The following PBX1 variants were observed in gnomAD, a reference collection of about 807,000 sequenced individuals.
PBX1 encodes pre-B-cell leukemia transcription factor 1.
A neutral mutation model predicts 53.4 loss-of-function variants in PBX1; 6 were observed. That is an observed-to-expected ratio of 0.11 (90% CI 0.06 to 0.22). The LOEUF is 0.22. Among genes scored for constraint, PBX1 ranks in the 10% least tolerant of loss-of-function variants. The probability of loss-of-function intolerance (pLI) is 1.00; values close to 1 mark genes in which losing one functional copy is unlikely to be tolerated. For synonymous variants in PBX1, 204 were observed against 212.3 expected (o/e 0.96, Z 0.34); for missense variants, 251 against 551.4 (o/e 0.46, Z 5.46).
chr1:164,623,791 G>A (rs181274825), intron 2 of PBX1, among the ~76,000 whole-genome samples: 2 of 152,260 alleles, frequency 1.3e-5, no homozygotes, highest in African/African-American at 4.8e-5. Context: ...TAACGACGTC[G>A]CCTCATACGT....
chr1:164,561,950 CTT>C (rs1008861163), intron 1 of PBX1, among the ~76,000 whole-genome samples: 1 of 147,068 alleles, frequency 6.8e-6, no homozygotes. Flanking sequence ...TATTTTCCAT[CTT>C]TTTTTTTTTC....
intron 6 of PBX1, chr1:164,815,343 A>G (rs1381300249): frequency 6.6e-6 from 1 of 152,256 alleles, no homozygotes. Flanking sequence ...TAGTGGGCTT[A>G]CTGAAGCTCA....
At chr1:164,811,871 T>C in intron 5 of PBX1, 119 bp from the exon 6 acceptor site, 1 of 231,332 alleles carries the variant, frequency 4.3e-6, no homozygotes, top group Non-Finnish European at 6.5e-6. Flanking sequence ...TGCCAAATTA[T>C]TATAGGATAA....
At chr1:164,724,670 ATT>A (rs59042806) in intron 2 of PBX1, among the ~76,000 whole-genome samples, 130 of 48,120 alleles carry the variant, frequency 2.7e-3, no homozygotes, top group African/African-American at 3.4e-3. Flanking sequence ...ATAGCTGCAG[ATT>A]TTTTTTTTTT....
chr1:164,748,898 C>T (rs1336092764), intron 2 of PBX1, among the ~76,000 whole-genome samples: 2 of 152,104 alleles, frequency 1.3e-5, no homozygotes, highest in Non-Finnish European at 2.9e-5. Context: ...GAATCTTTCT[C>T]CACTCCAAGA....
intron 2 of PBX1, among the ~76,000 whole-genome samples, chr1:164,606,719 C>T (rs997586312): frequency 1.3e-5 from 2 of 152,146 alleles, no homozygotes; most frequent in African/African-American, 4.8e-5. Context: ...TAGAACAGTC[C>T]CTGCTGCATG....
intron 2 of PBX1, among the ~76,000 whole-genome samples, chr1:164,645,900 A>C (rs549452638): frequency 3.9e-4 from 59 of 152,300 alleles, no homozygotes; most frequent in African/African-American, 1.3e-3. Context: ...GTGATAGGTA[A>C]AGAACTGCAT....
chr1:164,764,599 C>G (rs1666973891), intron 2 of PBX1, among the ~76,000 whole-genome samples: 1 of 152,158 alleles, frequency 6.6e-6, no homozygotes, highest in African/African-American at 2.4e-5. Context: ...GATGTTCAGT[C>G]TCATAATTTA....
chr1:164,675,923 T>A (rs61803849), intron 2 of PBX1, among the ~76,000 whole-genome samples: 11,387 of 152,244 alleles, frequency 0.075, 459 homozygotes, highest in East Asian at 0.13. Context: ...CTCTTGCAGT[T>A]TGAGTCTGGT....
chr1:164,805,140 C>T (rs1423967488), intron 4 of PBX1, among the ~76,000 whole-genome samples: 1 of 152,112 alleles, frequency 6.6e-6, no homozygotes, highest in Non-Finnish European at 1.5e-5. Flanking sequence ...CATATTTATC[C>T]AGTAATATTT....
intron 2 of PBX1, among the ~76,000 whole-genome samples, chr1:164,610,743 A>G (rs1557889715): frequency 6.6e-6 from 1 of 152,206 alleles, no homozygotes; most frequent in Admixed American, 6.5e-5. Flanking sequence ...TGGCAGGCCA[A>G]TGTGCTTGGC....
In PBX1 at chr1:164,707,335, A is replaced by G. The variant is rs142059371; in HGVS notation, c.266-85159A>G. Among the ~76,000 whole-genome samples the G allele has an allele frequency of 2.4e-3, 372 of 152,090 alleles. 4 individuals are homozygous for G. The highest frequency in any genetic ancestry group is 0.017 in the Admixed American group (260 of 15,274). ...GCACTGAGTAAGCCAGGGGTAGGGC[A>G]AATCTAGAGATGGGAGAGATTAGAA... is the stretch of plus-strand genomic sequence containing the variant. On this transcript the variant is annotated intron_variant, in intron 2 of 8. Transcript: ENST00000420696.
At chr1:164,644,686 TA>T (rs1215957366) in intron 2 of PBX1, among the ~76,000 whole-genome samples, 1 of 152,124 alleles carries the variant, frequency 6.6e-6, no homozygotes, top group East Asian at 1.9e-4. Context: ...TGTTTCAGGA[TA>T]AAAACTGTAT....
intron 2 of PBX1, among the ~76,000 whole-genome samples, chr1:164,603,213 A>T (rs1656299472): frequency 6.8e-6 from 1 of 147,290 alleles, no homozygotes; most frequent in South Asian, 2.2e-4. Flanking sequence ...GGTGCATTTT[A>T]TTTTTTTCTG....
At chr1:164,711,337 C>T (rs1663760016) in intron 2 of PBX1, among the ~76,000 whole-genome samples, 2 of 152,328 alleles carry the variant, frequency 1.3e-5, no homozygotes, top group South Asian at 4.1e-4. Flanking sequence ...GATCTCGGCT[C>T]ACTGCAAGCT....
Position 164,559,745 on chromosome 1 carries a change from T to TA in PBX1, c.-73dup, listed in dbSNP as rs1211533834. The TA allele has an allele frequency of 9.0e-6, 10 of 1,115,520 alleles. No individual in the cohort carries two copies. In the African/African-American group the frequency reaches 1.6e-4, roughly 18 times the overall value. 69.1% of individuals were successfully genotyped at this position (1,115,520 alleles called of 1,614,324 possible). A position where few individuals can be genotyped will look rare whatever the true frequency, so the allele number is the denominator to read the frequency against. On this transcript the variant is annotated 5_prime_UTR_variant, in exon 1 of 9. Transcript: ENST00000420696. ...AGGATTTGAAGACAAGCTTGAAGGA[T>TA]AAAAAGCCTTGGTGCTTCCCAGGAG...
chr1:164,699,698 C>G (rs893413993), intron 2 of PBX1, among the ~76,000 whole-genome samples: 2 of 152,144 alleles, frequency 1.3e-5, no homozygotes, highest in African/African-American at 4.8e-5. Context: ...ACTGTCCCTT[C>G]AGGTCTGTTA....
At chr1:164,592,340 G>A (rs1018529167) in intron 2 of PBX1, among the ~76,000 whole-genome samples, 1 of 152,164 alleles carries the variant, frequency 6.6e-6, no homozygotes, top group African/African-American at 2.4e-5. Context: ...CAACCATTTT[G>A]GTTGAGTTTA....
chr1:164,717,034 A>T (rs1374978705), intron 2 of PBX1, among the ~76,000 whole-genome samples: 1 of 152,182 alleles, frequency 6.6e-6, no homozygotes. Context: ...CAGCAGCAGG[A>T]CATTATATTT....
Sources: allele counts gnomAD v4.1 joint callset (sites outside exome capture counted in the v4.1 genomes callset), GRCh38; gene constraint gnomAD v4.1.1; transcripts MANE v1.5; gene names NCBI Gene and HGNC (gene_info 2026-07-23, HGNC 2026-07-21).